PCDH20: variants seen among roughly 807,000 people sequenced by gnomAD.
PCDH20 encodes the protein protocadherin-20.
A neutral mutation model predicts 39.7 loss-of-function variants in PCDH20; 18 were observed. The ratio of observed to expected loss-of-function variants is 0.45; its 90% CI spans 0.31 to 0.67. PCDH20 has a LOEUF of 0.67. PCDH20 is among the 30% of genes least tolerant of loss of function. PCDH20 has a pLI of 0.05. For synonymous variants in PCDH20, 495 were observed against 455.4 expected (o/e 1.09, Z -1.11); for missense variants, 1,161 against 1,167.4 (o/e 0.99, Z 0.08).
chr13:61,413,777 G>C (rs1177491642), exon 2 of PCDH20: 2 of 1,613,528 alleles, frequency 1.2e-6, no homozygotes, highest in Non-Finnish European at 1.7e-6. Flanking sequence ...GCACCGGTGC[G>C]CTCTGGCAGC....
intron 1 of PCDH20, among the ~76,000 whole-genome samples, chr13:61,414,380 G>A (rs1008690750): frequency 6.6e-6 from 1 of 152,112 alleles, no homozygotes; most frequent in Non-Finnish European, 1.5e-5. Context: ...AGCACTGAAA[G>A]GTGGGCAATT....
rs745844472 is a variant in PCDH20, at chr13:61,411,445, G to A, written c.2654C>T (p.Ser885Phe). Residue 885 changes from serine (S) to phenylalanine (F), a missense_variant, in exon 2 of 2, where the codon TCT (serine) becomes TTT (phenylalanine). This residue lies in a region of PCDH20 where 754 missense variants were observed against 777.5 expected (regional missense o/e 0.97). Coordinates refer to ENST00000409204, the Ensembl canonical transcript of PCDH20. The stretch of plus-strand genomic sequence containing the variant: ...CAGAGCTACTAAGGTGGGCATACAA[G>A]ACACAGATTCTACCTTCCTATGAGT... 3 of 1,614,072 alleles carry A rather than the reference G, an allele frequency of 1.9e-6. No homozygotes were observed. In the South Asian group the frequency reaches 3.3e-5, roughly 18 times the overall value.
exon 2 of PCDH20, chr13:61,413,321 C>T (rs780522239): frequency 1.9e-6 from 3 of 1,614,126 alleles, no homozygotes; most frequent in East Asian, 2.2e-5. Flanking sequence ...TTCTCCTCCA[C>T]GTCCAGGGTG....
chr13:61,412,025 C>T, exon 2 of PCDH20: 1 of 1,614,054 alleles, frequency 6.2e-7, no homozygotes. Context: ...CTCAGCATAC[C>T]CTTTCCTGTA....
exon 2 of PCDH20, chr13:61,410,713 T>C (rs751621279): frequency 6.5e-6 from 1 of 152,708 alleles, no homozygotes; most frequent in Non-Finnish European, 1.5e-5. Context: ...AAACATTCTG[T>C]TTACAAGTGC....
chr13:61,415,294 T>A (rs1329776271), exon 1 of PCDH20: 3 of 1,117,016 alleles, frequency 2.7e-6, no homozygotes, highest in Non-Finnish European at 3.5e-6. Context: ...ACTCAAAGAG[T>A]GGCAGAAAGG....
chr13:61,415,420 G>C (rs1268343246), exon 1 of PCDH20: 2 of 354,952 alleles, frequency 5.6e-6, no homozygotes, highest in Non-Finnish European at 9.9e-6. Flanking sequence ...GAGGCAGCTC[G>C]GGGTTGGGCA....
chr13:61,415,165 G>T, exon 1 of PCDH20: 1 of 1,412,362 alleles, frequency 7.1e-7, no homozygotes, highest in Non-Finnish European at 9.4e-7. Flanking sequence ...GCATTCCCTG[G>T]GAGGCTGCAG....
chr13:61,411,723 A>G (rs1878250340), exon 2 of PCDH20: 1 of 1,614,206 alleles, frequency 6.2e-7, no homozygotes. Context: ...TGAAGGACTC[A>G]GGCCTAGGAC....
chr13:61,412,725 A>T, exon 2 of PCDH20: 1 of 1,614,076 alleles, frequency 6.2e-7, no homozygotes, highest in Non-Finnish European at 8.5e-7. Flanking sequence ...TACCTTCTGG[A>T]TCTCTTATGG....
exon 2 of PCDH20, chr13:61,413,116 G>A: frequency 1.2e-6 from 2 of 1,614,182 alleles, no homozygotes; most frequent in South Asian, 2.2e-5. Context: ...CCCATACACA[G>A]TGACATTGAT....
chr13:61,412,959 A>G, exon 2 of PCDH20: 3 of 1,614,186 alleles, frequency 1.9e-6, no homozygotes, highest in Non-Finnish European at 2.5e-6. Context: ...TGAAAAGTTT[A>G]ATGACTCCAG....
exon 2 of PCDH20, chr13:61,412,426 T>C: frequency 6.2e-7 from 1 of 1,614,100 alleles, no homozygotes; most frequent in Non-Finnish European, 8.5e-7. Flanking sequence ...ATCTGTAGCA[T>C]ACAGCTTAGT....
chr13:61,415,008 C>T lies in PCDH20; in HGVS notation c.132+19G>A, dbSNP rs1191764340. 1 of 1,417,770 alleles carries T rather than the reference C, an allele frequency of 7.1e-7. No individual in the cohort carries two copies. Among genetic ancestry groups the T allele is most frequent in the Non-Finnish European group, 9.3e-7 (1 of 1,070,858 alleles). The allele number at this position is 1,417,770 out of a possible 1,614,324, so 87.8% of individuals were successfully genotyped here. On this transcript the variant is annotated intron_variant, in intron 1 of 1. Transcript: ENST00000409204. Reference sequence around the variant, plus strand: ...TGCAACTTGTCGGGGTCGCGGGGTTCCTTGACCCTAACCCTTACCGGCAGG... The same window carrying T: ...TGCAACTTGTCGGGGTCGCGGGGTTTCTTGACCCTAACCCTTACCGGCAGG...
Position 61,411,234 on chromosome 13 carries a change from C to CATGAAAT in PCDH20, c.*2_*8dup, listed in dbSNP as rs776742298. On this transcript the variant is annotated 3_prime_UTR_variant, in exon 2 of 2. Transcript: ENST00000409204. Reference sequence around the variant, plus strand: ...AAAACATTTCTCTGTGTTATTCCACCATGAAATATCAAATATTAGAAATAT... The same window carrying CATGAAAT: ...AAAACATTTCTCTGTGTTATTCCACCATGAAATATGAAATATCAAATATTAGAAATAT... 2.5e-6 allele frequency: 4 copies of CATGAAAT among 1,594,666 alleles called. No homozygotes were observed. The East Asian group carries it at 8.9e-5, about 36-fold the overall frequency.
exon 2 of PCDH20, chr13:61,412,371 A>G: frequency 6.2e-7 from 1 of 1,614,182 alleles, no homozygotes. Context: ...ATGGAGCATC[A>G]GGTCCCAGAA....
At chr13:61,411,295 T>G in exon 2 of PCDH20, 1 of 1,614,064 alleles carries the variant, frequency 6.2e-7, no homozygotes, top group South Asian at 1.1e-5. Flanking sequence ...CAAGTCAATT[T>G]TTCCTTTCAG....
exon 2 of PCDH20, chr13:61,412,660 T>C: frequency 6.2e-7 from 1 of 1,614,110 alleles, no homozygotes. Context: ...GTATGGTTTG[T>C]AAGGTGATAA....
chr13:61,413,283 T>C (rs1593784791), exon 2 of PCDH20: 2 of 1,613,732 alleles, frequency 1.2e-6, no homozygotes, highest in African/African-American at 1.3e-5. Flanking sequence ...CCATGACAAT[T>C]AGGTAGGGGG....
Sources: gnomAD v4.1 joint callset for allele counts (sites outside exome capture counted in the v4.1 genomes callset) on GRCh38, gnomAD v4.1.1 for gene constraint, gnomAD v4.1.1 regional missense constraint, MANE v1.5 for transcripts, NCBI Gene and HGNC (gene_info 2026-07-23, HGNC 2026-07-21) for gene names.